Variants in NAA20 observed in about 807,000 individuals in gnomAD.
NAA20 encodes N-alpha-acetyltransferase 20, NatB catalytic subunit, also known as N-alpha-acetyltransferase 20.
Under a neutral mutation model 23.8 loss-of-function variants are expected in NAA20, and 24 were observed. That is an observed-to-expected ratio of 1.01 (90% CI 0.73 to 1.42). The LOEUF is 1.42. NAA20 is among the 40% of genes most tolerant of loss of function. The probability of loss-of-function intolerance (pLI) is 0.00; values close to 1 mark genes in which losing one functional copy is unlikely to be tolerated. For synonymous variants in NAA20, 83 were observed against 77.7 expected (o/e 1.07, Z -0.36); for missense variants, 166 against 223.1 (o/e 0.74, Z 1.63).
At chr20:20,017,792 C>G in intron 1 of NAA20, 1 of 1,445,112 alleles carries the variant, frequency 6.9e-7, no homozygotes, top group African/African-American at 1.4e-5. Flanking sequence ...GAGACGCGGC[C>G]TGGAGCCCAC....
At chr20:20,033,080 A>G (rs770138683) in intron 5 of NAA20, 22 bp from the exon 6 acceptor site, 15 of 1,567,888 alleles carry the variant, frequency 9.6e-6, no homozygotes, top group Admixed American at 3.4e-5. Context: ...GGGTGTTTAT[A>G]TTAAACTTTG....
intron 1 of NAA20, chr20:20,017,670 C>T: frequency 7.2e-7 from 1 of 1,396,160 alleles, no homozygotes; most frequent in Non-Finnish European, 9.4e-7. Context: ...CGACCTTGGC[C>T]GAGGTGCTCA....
At chr20:20,026,745 T>C (rs1165463117) in intron 3 of NAA20, 39 bp from the exon 4 acceptor site, 2 of 1,607,988 alleles carry the variant, frequency 1.2e-6, no homozygotes, top group East Asian at 2.2e-5. Flanking sequence ...TGTAAATCAA[T>C]GTCTAGTTAC....
rs932392488 is a variant in NAA20, at chr20:20,033,551, T to G, written c.*364T>G. On this transcript the variant is annotated 3_prime_UTR_variant, in exon 6 of 6. Coordinates refer to ENST00000334982, the MANE Select transcript of NAA20 (RefSeq NM_016100.5). The stretch of plus-strand genomic sequence containing the variant: ...ATATATTTGTTTTTAAATTTTGTAT[T>G]GAACTGTTAATTGAAGCTTTAAAAG... 3 of 171,266 alleles carry G rather than the reference T, an allele frequency of 1.8e-5. No homozygotes were observed. The highest frequency in any genetic ancestry group is 7.1e-5 in the African/African-American group (3 of 42,058). 10.6% of individuals were successfully genotyped at this position (171,266 alleles called of 1,614,324 possible). A position where few individuals can be genotyped will look rare whatever the true frequency, so the allele number is the denominator to read the frequency against.
At chr20:20,029,352 C>T (rs1047835144) in intron 4 of NAA20, among the ~76,000 whole-genome samples, 2 of 152,046 alleles carry the variant, frequency 1.3e-5, no homozygotes, top group South Asian at 2.1e-4. Context: ...AGTGGTGGCT[C>T]ATGACTGTAA....
chr20:20,018,143 C>G, intron 1 of NAA20: 1 of 1,540,922 alleles, frequency 6.5e-7, no homozygotes, highest in Non-Finnish European at 9.0e-7. Context: ...TCGCTGTGCC[C>G]AGAGCCCTGG....
intron 1 of NAA20, among the ~76,000 whole-genome samples, chr20:20,019,279 T>C (rs1489494577): frequency 6.6e-6 from 1 of 152,198 alleles, no homozygotes; most frequent in Non-Finnish European, 1.5e-5. Context: ...TGTCATGTGA[T>C]GACAGCAGGT....
intron 1 of NAA20, 62 bp downstream of exon 1, chr20:20,017,511 G>C (rs994718016): frequency 1.3e-6 from 2 of 1,558,628 alleles, no homozygotes; most frequent in Non-Finnish European, 1.7e-6. Context: ...GGCCCCGCCA[G>C]CTCCGGCCCC....
chr20:20,027,057 C>T, intron 4 of NAA20, 138 bp downstream of exon 4: 3 of 1,207,612 alleles, frequency 2.5e-6, no homozygotes, highest in Non-Finnish European at 3.5e-6. Context: ...TAGAACAATT[C>T]TATCACATAG....
At position 20,017,388 on chromosome 20, in the gene NAA20, G is replaced by A. The variant is rs779547095; in HGVS notation, c.-9G>A. ...TTGGCGAACGGTCTTCGGAAGCGGCGGCGGCGCGATGACCACGCTACGGGC... is the reference window on the plus strand; with the variant it reads ...TTGGCGAACGGTCTTCGGAAGCGGCAGCGGCGCGATGACCACGCTACGGGC... On this transcript the variant is annotated 5_prime_UTR_variant, in exon 1 of 6. Transcript: ENST00000334982. The A allele has an allele frequency of 3.7e-6, 6 of 1,611,310 alleles. No homozygotes were observed. Among genetic ancestry groups the A allele is most frequent in the South Asian group, 1.1e-5 (1 of 90,928 alleles).
Position 20,028,081 on chromosome 20 carries a change from C to T in NAA20, c.305+1162C>T, listed in dbSNP as rs535847245. On this transcript the variant is annotated intron_variant, in intron 4 of 5. Coordinates refer to ENST00000334982, the MANE Select transcript of NAA20 (RefSeq NM_016100.5). ...CAAATTAGAGGCAAAGGAGCTCAAA[C>T]TCATTCAGAGAAGAAATTGTGTTAG... Among the ~76,000 whole-genome samples the T allele has an allele frequency of 2.9e-4, 44 of 152,274 alleles. No homozygotes were observed. The South Asian group carries it at 8.9e-3, about 31-fold the overall frequency.
At chr20:20,024,934 A>G (rs890549694) in intron 2 of NAA20, among the ~76,000 whole-genome samples, 1 of 152,346 alleles carries the variant, frequency 6.6e-6, no homozygotes, top group African/African-American at 2.4e-5. Flanking sequence ...GAAAGTTTAT[A>G]CTAACAAGAA....
chr20:20,033,034 A>T, intron 5 of NAA20, 68 bp from the exon 6 acceptor site: 1 of 1,241,688 alleles, frequency 8.1e-7, no homozygotes, highest in Non-Finnish European at 1.2e-6. Context: ...TGGGAACTTT[A>T]CCTATACACT....
intron 4 of NAA20, among the ~76,000 whole-genome samples, chr20:20,028,810 A>G (rs1385186540): frequency 6.6e-6 from 1 of 152,234 alleles, no homozygotes; most frequent in East Asian, 1.9e-4. Context: ...AGTCAACTCC[A>G]AAGAAGAGAA....
upstream of NAA20, chr20:20,017,292 C>A: frequency 6.8e-7 from 1 of 1,470,416 alleles, no homozygotes; most frequent in Non-Finnish European, 9.3e-7. Context: ...AGCCCGGAAG[C>A]AGTACCCCGT....
chr20:20,033,383 T>C lies in NAA20; in HGVS notation c.*196T>C. ...ATATCATACCTATTAAAGCTGTTCA[T>C]TGTAACAAAATTCAATCAAAAAGGC... On this transcript the variant is annotated 3_prime_UTR_variant, in exon 6 of 6. Coordinates refer to ENST00000334982, the MANE Select transcript of NAA20 (RefSeq NM_016100.5). 4.1e-6 allele frequency: 2 copies of C among 484,466 alleles called. No individual in the cohort carries two copies. Among genetic ancestry groups the C allele is most frequent in the South Asian group, 3.9e-5 (1 of 25,660 alleles). The allele number at this position is 484,466 out of a possible 1,614,324, so 30.0% of individuals were successfully genotyped here. A position where few individuals can be genotyped will look rare whatever the true frequency, so the allele number is the denominator to read the frequency against.
intron 4 of NAA20, among the ~76,000 whole-genome samples, chr20:20,031,682 A>C (rs1477126961): frequency 2.0e-5 from 3 of 152,212 alleles, no homozygotes; most frequent in Non-Finnish European, 4.4e-5. Context: ...TTGAATATTC[A>C]CAATACATAG....
chr20:20,017,786 C>T (rs1030351589), intron 1 of NAA20: 37 of 1,440,112 alleles, frequency 2.6e-5, no homozygotes, highest in Non-Finnish European at 3.4e-5. Context: ...GAGCTGGAGA[C>T]GCGGCCTGGA....
In NAA20 at chr20:20,017,961, C is replaced by T. The variant is rs538938015; in HGVS notation, c.53+512C>T. 9.7e-5 allele frequency: 156 copies of T among 1,613,880 alleles called. 1 individual carries two copies. The African/African-American group carries it at 1.5e-3, about 16-fold the overall frequency. On this transcript the variant is annotated intron_variant, in intron 1 of 5. Coordinates refer to ENST00000334982, the MANE Select transcript of NAA20 (RefSeq NM_016100.5). ...GGGATGTGTACATCGTGAAGCCCAC[C>T]TGGTGGCCGTGGTTAAATTGTATCC...
Sources: gnomAD v4.1 joint callset for allele counts (sites outside exome capture counted in the v4.1 genomes callset) on GRCh38, gnomAD v4.1.1 for gene constraint, MANE v1.5 for transcripts, NCBI Gene and HGNC (gene_info 2026-07-23, HGNC 2026-07-21) for gene names.